The following LSP1 variants were observed in gnomAD, a reference collection of about 807,000 sequenced individuals.
LSP1 encodes lymphocyte-specific protein 1.
In LSP1, 32 loss-of-function variants were observed where a neutral mutation model predicts 49.3. The observed-to-expected ratio is 0.65, with a 90% CI of 0.49 to 0.87. LSP1 has a LOEUF of 0.87. Ranked by LOEUF, LSP1 falls within the 40% of genes least tolerant of loss-of-function variation. LSP1 has a pLI of 0.00. For synonymous variants in LSP1, 179 were observed against 178.8 expected, an observed-to-expected ratio of 1.00 and a Z score of -0.01; for missense variants, 428 against 442.6, an observed-to-expected ratio of 0.97 and a Z score of 0.30.
chr11:1,885,736 C>T (rs1358802505), intron 7 of LSP1, among the ~76,000 whole-genome samples: 1 of 151,846 alleles, frequency 6.6e-6, no homozygotes, highest in Non-Finnish European at 1.5e-5. Context: ...ACCCAGTACT[C>T]ACTTATCCAA....
intron 1 of LSP1, chr11:1,866,992 C>T (rs1050650818): frequency 1.2e-5 from 16 of 1,356,512 alleles, no homozygotes; most frequent in Middle Eastern, 2.5e-4. Flanking sequence ...GGGGAGGAGA[C>T]ACTGAAGCCG....
intron 10 of LSP1, 129 bp from the exon 11 acceptor site, chr11:1,891,644 G>A (rs1335045163): frequency 1.3e-5 from 2 of 154,074 alleles, no homozygotes; most frequent in African/African-American, 2.4e-5. Flanking sequence ...GAGTGGGGGT[G>A]TGGGCAGGGC....
chr11:1,871,276 G>A (rs945773636), intron 1 of LSP1: 2 of 986,680 alleles, frequency 2.0e-6, no homozygotes, highest in East Asian at 1.1e-4. Context: ...AGCAGGCAGG[G>A]CCACCCACGA....
At chr11:1,881,821 G>A (rs1848559147) in intron 3 of LSP1, among the ~76,000 whole-genome samples, 2 of 152,152 alleles carry the variant, frequency 1.3e-5, no homozygotes, top group Admixed American at 6.5e-5. Context: ...CAGGAAAGGG[G>A]GAGACAGGAG....
chr11:1,875,040 C>G (rs532340116), intron 1 of LSP1, among the ~76,000 whole-genome samples: 1 of 152,204 alleles, frequency 6.6e-6, no homozygotes, highest in Non-Finnish European at 1.5e-5. Flanking sequence ...TCTCCTTTCT[C>G]GCGGCCTCCC....
chr11:1,884,272 C>G lies in LSP1; in HGVS notation c.592-8C>G, dbSNP rs1160034738. ...CTGCAGGCCTGTGTCTCTCTCCACC[C>G]TCTGCAGCTCATCGACAGGACCGAG... is the stretch of plus-strand genomic sequence containing the variant. On this transcript the variant is annotated splice_polypyrimidine_tract_variant and splice_region_variant and intron_variant, in intron 5 of 10. Coordinates refer to ENST00000311604, the MANE Select transcript of LSP1 (RefSeq NM_002339.3). The surrounding 1 kb of genome is among the most constrained non-coding windows in gnomAD (Gnocchi z 4.1). 2.5e-6 allele frequency: 4 copies of G among 1,613,944 alleles called. No homozygotes were observed. Among genetic ancestry groups the G allele is most frequent in the Non-Finnish European group, 3.4e-6 (4 of 1,179,980 alleles).
chr11:1,875,792 C>A (rs1236686196), intron 1 of LSP1, among the ~76,000 whole-genome samples: 3 of 152,186 alleles, frequency 2.0e-5, no homozygotes, highest in Admixed American at 6.5e-5. Context: ...GAGCCCCAGG[C>A]GGACGGCGCA....
In LSP1 at chr11:1,853,134, A is replaced by C; in HGVS notation, c.-11A>C. Reference sequence around the variant, plus strand: ...TCTGCCAGCACCCTGTGGGGCCCAGACTACAGGCTGATGGCGGAGGCTTCG... The same window carrying C: ...TCTGCCAGCACCCTGTGGGGCCCAGCCTACAGGCTGATGGCGGAGGCTTCG... On this transcript the variant is annotated 5_prime_UTR_variant, in exon 1 of 11. Coordinates refer to ENST00000311604, the MANE Select transcript of LSP1 (RefSeq NM_002339.3). 1.2e-6 allele frequency: 2 copies of C among 1,608,962 alleles called. No homozygotes were observed. Among genetic ancestry groups the C allele is most frequent in the Non-Finnish European group, 1.7e-6 (2 of 1,178,478 alleles).
chr11:1,889,829 G>A (rs572344484), intron 10 of LSP1: 28 of 635,238 alleles, frequency 4.4e-5, no homozygotes, highest in African/African-American at 3.5e-4. Flanking sequence ...CCTGGAAGCC[G>A]GGTGGCGGCC....
chr11:1,865,529 C>T (rs570142993), intron 1 of LSP1, among the ~76,000 whole-genome samples: 3 of 148,222 alleles, frequency 2.0e-5, no homozygotes, highest in African/African-American at 7.4e-5. Context: ...CTGTCGCCTG[C>T]TCACACCGTC....
intron 1 of LSP1, chr11:1,868,664 GC>G: frequency 4.1e-6 from 4 of 985,750 alleles, no homozygotes; most frequent in Non-Finnish European, 4.8e-6. Flanking sequence ...GGTAGCCCCC[GC>G]CCTGGCAGGG....
chr11:1,854,047 GC>G (rs1357870291), intron 1 of LSP1, among the ~76,000 whole-genome samples: 1 of 152,144 alleles, frequency 6.6e-6, no homozygotes, highest in East Asian at 1.9e-4. Flanking sequence ...AACCCGAGTT[GC>G]CCCCGGTGCA....
At chr11:1,854,613 G>A (rs1216002691) in intron 1 of LSP1, among the ~76,000 whole-genome samples, 1 of 152,216 alleles carries the variant, frequency 6.6e-6, no homozygotes. Flanking sequence ...TGGAGTGGAG[G>A]CTAAGCAGAG....
intron 4 of LSP1, 88 bp from the exon 5 acceptor site, chr11:1,883,843 AG>A: frequency 8.0e-7 from 1 of 1,246,108 alleles, no homozygotes; most frequent in Non-Finnish European, 1.1e-6. Context: ...GGGCTCAGGA[AG>A]GAACAGCATT....
At chr11:1,888,400 C>T (rs539940607) in intron 10 of LSP1, among the ~76,000 whole-genome samples, 44 of 152,226 alleles carry the variant, frequency 2.9e-4, no homozygotes, top group Non-Finnish European at 5.1e-4. Context: ...CTGTCAAAGC[C>T]TGGGCATGGC....
intron 1 of LSP1, among the ~76,000 whole-genome samples, chr11:1,853,643 A>AG (rs1306632505): frequency 6.6e-6 from 1 of 152,154 alleles, no homozygotes; most frequent in Non-Finnish European, 1.5e-5. Context: ...ACTATCTGAG[A>AG]GGGGCTATCC....
intron 1 of LSP1, among the ~76,000 whole-genome samples, chr11:1,858,768 G>A (rs1847551340): frequency 6.6e-6 from 1 of 152,224 alleles, no homozygotes; most frequent in South Asian, 2.1e-4. Context: ...GAGGTTGGAG[G>A]GGCTGCATGG....
At chr11:1,854,598 G>GT (rs1416288500) in intron 1 of LSP1, among the ~76,000 whole-genome samples, 1 of 152,226 alleles carries the variant, frequency 6.6e-6, no homozygotes, top group African/African-American at 2.4e-5. Context: ...CCCGAGTGCC[G>GT]TGAGTGGAGT....
In LSP1 at chr11:1,884,718, G is replaced by T; in HGVS notation, c.717+137G>T. The T allele has an allele frequency of 1.4e-6, 1 of 693,182 alleles. No homozygotes were observed. The highest frequency in any genetic ancestry group is 1.8e-5 in the African/African-American group (1 of 56,774). The allele number at this position is 693,182 out of a possible 1,614,324, so 42.9% of individuals were successfully genotyped here. ...TATCCAACCAATGCTTCTCCATCCA[G>T]TCAGTGCCCCTCTACCCAATCAATG... On this transcript the variant is annotated intron_variant, in intron 7 of 10. Coordinates refer to ENST00000311604, the MANE Select transcript of LSP1 (RefSeq NM_002339.3). This position sits in a 1 kb window ranked among gnomAD's most constrained non-coding sequence, Gnocchi z 4.1.
Sources: allele counts gnomAD v4.1 joint callset (sites outside exome capture counted in the v4.1 genomes callset), GRCh38; gene constraint gnomAD v4.1.1; non-coding constraint Gnocchi (gnomAD v3.1); transcripts MANE v1.5; gene names NCBI Gene and HGNC (gene_info 2026-07-23, HGNC 2026-07-21).